The following TENM2 variants were observed in gnomAD, a reference collection of about 807,000 sequenced individuals.
TENM2 encodes teneurin-2.
Under a neutral mutation model 245.2 loss-of-function variants are expected in TENM2, and 52 were observed. The observed-to-expected ratio is 0.21, with a 90% CI of 0.17 to 0.27. The LOEUF (loss-of-function observed/expected upper bound fraction) is 0.27. Ranked by LOEUF, TENM2 falls within the 10% of genes least tolerant of loss-of-function variation. The pLI is 1.00. For missense variants in TENM2, 3,046 were observed against 3,666.8 expected, an observed-to-expected ratio of 0.83 and a Z score of 4.37; for synonymous variants, 1,363 against 1,438.9, an observed-to-expected ratio of 0.95 and a Z score of 1.19.
At chr5:168,158,933 A>G (rs895916917) in intron 12 of TENM2, among the ~76,000 whole-genome samples, 2 of 146,122 alleles carry the variant, frequency 1.4e-5, no homozygotes, top group African/African-American at 5.0e-5. Context: ...ATATATATGT[A>G]TATACGTATA....
At chr5:168,053,550 T>C (rs931746569) in intron 6 of TENM2, among the ~76,000 whole-genome samples, 4 of 152,136 alleles carry the variant, frequency 2.6e-5, no homozygotes, top group South Asian at 2.1e-4. Flanking sequence ...ATTGAAAATA[T>C]TTGGAATAAT....
rs183212096 is a variant in TENM2 at position 167,330,101 on chromosome 5, T to C, written c.226+45038T>C. Among the ~76,000 whole-genome samples, 336 of 152,312 alleles carry C rather than the reference T, an allele frequency of 2.2e-3. 6 individuals are homozygous for C. The South Asian group carries it at 0.029, about 13-fold the overall frequency. On this transcript the variant is annotated intron_variant, in intron 1 of 28. Transcript: ENST00000518659. ...CAGACATATGACCTTGAGTATGTCA[T>C]TTAACTTCTCTAAATGTTGTTTCCT... is the stretch of plus-strand genomic sequence containing the variant.
At chr5:168,110,559 A>G (rs146404585) in intron 9 of TENM2, among the ~76,000 whole-genome samples, 2 of 152,264 alleles carry the variant, frequency 1.3e-5, no homozygotes, top group East Asian at 3.9e-4. Context: ...CATGCCCAGA[A>G]CCATTCTGCC....
At chr5:167,395,822 A>C (rs1470043170) in intron 2 of TENM2, among the ~76,000 whole-genome samples, 1 of 152,176 alleles carries the variant, frequency 6.6e-6, no homozygotes, top group African/African-American at 2.4e-5. Flanking sequence ...CCTATAGATA[A>C]TTTTAAGTGA....
At chr5:167,902,869 C>T (rs1056044934) in intron 3 of TENM2, among the ~76,000 whole-genome samples, 1 of 152,138 alleles carries the variant, frequency 6.6e-6, no homozygotes, top group Non-Finnish European at 1.5e-5. Flanking sequence ...ACAAATCTGG[C>T]ATTTTTACAT....
intron 17 of TENM2, among the ~76,000 whole-genome samples, chr5:168,201,636 G>A (rs1267909301): frequency 6.6e-6 from 1 of 151,970 alleles, no homozygotes; most frequent in Admixed American, 6.6e-5. Context: ...TCATCACATA[G>A]CCCATCATTG....
At chr5:167,788,524 A>G (rs1488710773) in intron 2 of TENM2, among the ~76,000 whole-genome samples, 1 of 152,236 alleles carries the variant, frequency 6.6e-6, no homozygotes, top group Non-Finnish European at 1.5e-5. Context: ...TATACAAGCC[A>G]CAGTGAAATG....
At chr5:167,120,734 A>G in the TENM2 span, among the ~76,000 whole-genome samples, 1 of 152,214 alleles carries the variant, frequency 6.6e-6, no homozygotes, top group Non-Finnish European at 1.5e-5. Flanking sequence ...AGATCCTGAA[A>G]AGGCCACTAG....
chr5:168,199,271 A>T (rs1407998398), intron 16 of TENM2, among the ~76,000 whole-genome samples, 157 bp downstream of exon 18: 1 of 152,268 alleles, frequency 6.6e-6, no homozygotes, highest in Non-Finnish European at 1.5e-5. Flanking sequence ...TGAAAGTTTG[A>T]ATCCCTCTTG....
Position 168,215,340 on chromosome 5 carries a change from A to T in TENM2, c.4078+68A>T, listed in dbSNP as rs11950521. The T allele has an allele frequency of 1.4e-3, 1,823 of 1,288,866 alleles. 20 individuals carry two copies. In the African/African-American group the frequency reaches 0.024, roughly 17 times the overall value. The allele number at this position is 1,288,866 out of a possible 1,614,324, so 79.8% of individuals were successfully genotyped here. ...TTGCCACCAGCTTGGCTTTCTTCTC[A>T]TCAGAACTTAACTAAGTCCAGCAGT... On this transcript the variant is annotated intron_variant, in intron 21 of 28. Transcript: ENST00000518659.
intron 2 of TENM2, among the ~76,000 whole-genome samples, chr5:167,569,339 T>C (rs779643274): frequency 1.3e-5 from 2 of 152,170 alleles, no homozygotes; most frequent in Non-Finnish European, 2.9e-5. Context: ...AGCTACTTTG[T>C]TTACAGATTG....
intron 5 of TENM2, among the ~76,000 whole-genome samples, chr5:168,029,847 A>T (rs1295318867): frequency 6.6e-6 from 1 of 152,206 alleles, no homozygotes; most frequent in African/African-American, 2.4e-5. Context: ...TGTTGTGGGG[A>T]GGATGTGGAT....
chr5:168,045,825 C>T (rs1788561251), intron 5 of TENM2, among the ~76,000 whole-genome samples: 1 of 152,182 alleles, frequency 6.6e-6, no homozygotes, highest in Admixed American at 6.5e-5. Flanking sequence ...GTTCTCATTT[C>T]CTGACCTCTG....
At chr5:167,199,097 TAAAAA>T in the TENM2 span, among the ~76,000 whole-genome samples, 5 of 79,316 alleles carry the variant, frequency 6.3e-5, no homozygotes, top group African/African-American at 9.0e-5. Flanking sequence ...TGATATGAAG[TAAAAA>T]AAAAAAAAAA....
chr5:167,155,226 T>C, the TENM2 span, among the ~76,000 whole-genome samples: 3 of 152,262 alleles, frequency 2.0e-5, no homozygotes, highest in Admixed American at 2.0e-4. Context: ...TGCCGTATTG[T>C]GGCATGTTAA....
chr5:167,715,043 T>C (rs111954819), intron 2 of TENM2, among the ~76,000 whole-genome samples: 1,697 of 152,296 alleles, frequency 0.011, 28 homozygotes, highest in African/African-American at 0.039. Context: ...TTTATACTGA[T>C]TTTAGTGTGA....
At chr5:167,540,921 T>C (rs1156619832) in intron 2 of TENM2, among the ~76,000 whole-genome samples, 2 of 152,328 alleles carry the variant, frequency 1.3e-5, no homozygotes, top group African/African-American at 4.8e-5. Flanking sequence ...GCCCCCATAG[T>C]TTCCAAGATA....
chr5:167,420,373 G>A (rs1237011013), intron 2 of TENM2, among the ~76,000 whole-genome samples: 2 of 152,156 alleles, frequency 1.3e-5, no homozygotes, highest in African/African-American at 2.4e-5. Flanking sequence ...TACTGTGAAT[G>A]AGGACATGTA....
the TENM2 span, among the ~76,000 whole-genome samples, chr5:167,172,859 G>C: frequency 1.3e-5 from 2 of 151,850 alleles, no homozygotes; most frequent in Admixed American, 1.3e-4. Context: ...TTTTTTAAAC[G>C]TTTCAATAGA....
Sources: gnomAD v4.1 joint callset for allele counts (sites outside exome capture counted in the v4.1 genomes callset) on GRCh38, gnomAD v4.1.1 for gene constraint, MANE v1.5 for transcripts, NCBI Gene and HGNC (gene_info 2026-07-23, HGNC 2026-07-21) for gene names.